Variants in EPM2A observed in about 807,000 individuals in gnomAD.
EPM2A encodes the protein EPM2A glucan phosphatase, laforin.
EPM2A carries 21 observed loss-of-function variants against 26.5 expected under a neutral mutation model. The observed-to-expected ratio is 0.79, with a 90% CI of 0.56 to 1.14. EPM2A has a LOEUF of 1.14. Ranked by LOEUF, EPM2A falls within the 50% of genes most tolerant of loss-of-function variation. The probability of loss-of-function intolerance (pLI) is 0.00; values close to 1 mark genes in which losing one functional copy is unlikely to be tolerated. For synonymous variants in EPM2A, 217 were observed against 177.6 expected (o/e 1.22, Z -1.76); for missense variants, 458 against 440.8 (o/e 1.04, Z -0.35).
chr6:145,406,534 A>G (rs1778572211), intron 4 of EPM2A, among the ~76,000 whole-genome samples: 1 of 152,190 alleles, frequency 6.6e-6, no homozygotes, highest in Admixed American at 6.5e-5. Flanking sequence ...TACATACATT[A>G]TAGTTGCTTT....
chr6:145,629,046 C>T (rs563071046), intron 3 of EPM2A: 1 of 152,430 alleles, frequency 6.6e-6, no homozygotes, highest in Non-Finnish European at 1.5e-5. Context: ...GAGCAGAGTC[C>T]ACATGGAAGC....
At chr6:145,435,180 TAGTC>T (rs1205274995) in intron 4 of EPM2A, among the ~76,000 whole-genome samples, 5 of 152,098 alleles carry the variant, frequency 3.3e-5, no homozygotes, top group African/African-American at 1.2e-4. Context: ...AATTTAGACA[TAGTC>T]AATCATATAT....
At chr6:145,449,831 G>C (rs1341973585) in intron 4 of EPM2A, among the ~76,000 whole-genome samples, 2 of 149,414 alleles carry the variant, frequency 1.3e-5, no homozygotes, top group African/African-American at 4.9e-5. Context: ...GAGAGAAAAA[G>C]CCCTGTTAAT....
At chr6:145,677,541 C>G (rs532704389) in intron 2 of EPM2A, among the ~76,000 whole-genome samples, 241 of 152,296 alleles carry the variant, frequency 1.6e-3, no homozygotes, top group Non-Finnish European at 3.0e-3. Flanking sequence ...ACCCCATCAT[C>G]TCAGCCCAAA....
At chr6:145,717,156 C>G (rs1011472786) in intron 1 of EPM2A, among the ~76,000 whole-genome samples, 14 of 152,050 alleles carry the variant, frequency 9.2e-5, no homozygotes, top group African/African-American at 3.1e-4. Context: ...CGGGCAGAGA[C>G]ACAACCAAAA....
chr6:145,613,262 A>G (rs923066392), intron 2 of EPM2A, among the ~76,000 whole-genome samples: 1 of 152,204 alleles, frequency 6.6e-6, no homozygotes, highest in East Asian at 1.9e-4. Context: ...ATGATATTTC[A>G]GCTATTCAGT....
chr6:145,631,420 T>C (rs1399300403), intron 3 of EPM2A: 1 of 152,122 alleles, frequency 6.6e-6, no homozygotes. Flanking sequence ...GACAACTAAG[T>C]TGAAAAACTG....
chr6:145,699,544 G>T (rs554186406), intron 1 of EPM2A, among the ~76,000 whole-genome samples: 4 of 152,338 alleles, frequency 2.6e-5, no homozygotes, highest in South Asian at 4.1e-4. Flanking sequence ...TGGGTGCTAT[G>T]CTGTGATGAA....
intron 2 of EPM2A, chr6:145,671,479 G>A: frequency 1.5e-6 from 1 of 689,292 alleles, no homozygotes; most frequent in East Asian, 1.3e-4. Flanking sequence ...ATAAGCCTTA[G>A]CTTTTGAAAT....
At chr6:145,613,736 G>A (rs761083090) in intron 2 of EPM2A, among the ~76,000 whole-genome samples, 1 of 152,140 alleles carries the variant, frequency 6.6e-6, no homozygotes, top group Non-Finnish European at 1.5e-5. Context: ...TTTCTGAGCA[G>A]TAGGTCTCAA....
chr6:145,652,421 A>G (rs1203005844), intron 2 of EPM2A, among the ~76,000 whole-genome samples: 2 of 152,184 alleles, frequency 1.3e-5, no homozygotes, highest in Non-Finnish European at 2.9e-5. Context: ...CTTGTGACAC[A>G]TTAGAATTTT....
chr6:145,522,215 G>A (rs1419325213), intron 2 of EPM2A, among the ~76,000 whole-genome samples: 1 of 152,124 alleles, frequency 6.6e-6, no homozygotes, highest in African/African-American at 2.4e-5. Context: ...GCCTCCCAAA[G>A]TGCTGGGATT....
At chr6:145,719,839 G>A (rs994664001) in intron 1 of EPM2A, among the ~76,000 whole-genome samples, 1 of 152,044 alleles carries the variant, frequency 6.6e-6, no homozygotes, top group African/African-American at 2.4e-5. Flanking sequence ...ATCAAATACT[G>A]ACTCTGATTT....
At chr6:145,726,026 T>G (rs1226783438) in intron 1 of EPM2A, among the ~76,000 whole-genome samples, 2 of 152,096 alleles carry the variant, frequency 1.3e-5, no homozygotes, top group East Asian at 1.9e-4. Context: ...TCTAATATCA[T>G]TCTACAATAA....
At chr6:145,620,931 A>G (rs970819009), downstream of EPM2A, among the ~76,000 whole-genome samples, 1 of 152,106 alleles carries the variant, frequency 6.6e-6, no homozygotes, top group African/African-American at 2.4e-5. Flanking sequence ...TATCTCATAT[A>G]CCTCCCTTTT....
At chr6:145,491,557 G>C (rs1779755797) in intron 4 of EPM2A, among the ~76,000 whole-genome samples, 3 of 152,152 alleles carry the variant, frequency 2.0e-5, no homozygotes. Context: ...TGCCAATGGA[G>C]CCTGGGGTTT....
rs1266603162 is a variant in EPM2A, at chr6:145,735,345, G to A, written c.154C>T (p.Leu52=). ...CACAGGCCCGGCTCCTGCAGGGCCA[G>A]GGCCCCGTCGCCCGCCGCGGTGCCG... The part of the protein sequence containing the change: ...PAGTAAGDGA[L]ALQEPGLWLG... The change falls in exon 1 of 4, where the codon CTG becomes TTG. Residue 52 remains leucine (L), a synonymous_variant. Transcript: ENST00000367519. The A allele has an allele frequency of 7.4e-7, 1 of 1,347,940 alleles. No individual in the cohort carries two copies. The highest frequency in any genetic ancestry group is 3.0e-5 in the Admixed American group (1 of 33,062). 83.5% of individuals were successfully genotyped at this position (1,347,940 alleles called of 1,614,324 possible). A position where few individuals can be genotyped will look rare whatever the true frequency, so the allele number is the denominator to read the frequency against.
At chr6:145,728,932 C>T (rs903303210) in intron 1 of EPM2A, among the ~76,000 whole-genome samples, 2 of 152,188 alleles carry the variant, frequency 1.3e-5, no homozygotes, top group Non-Finnish European at 2.9e-5. Context: ...CAGGGCCTCA[C>T]TACCCTGTAC....
chr6:145,651,864 G>T (rs1290580810), intron 2 of EPM2A, among the ~76,000 whole-genome samples: 1 of 152,076 alleles, frequency 6.6e-6, no homozygotes, highest in Non-Finnish European at 1.5e-5. Context: ...TCAAAGGGAG[G>T]TCTGCAGAAG....
Sources: allele counts gnomAD v4.1 joint callset (sites outside exome capture counted in the v4.1 genomes callset), GRCh38; gene constraint gnomAD v4.1.1; transcripts MANE v1.5; gene names NCBI Gene and HGNC (gene_info 2026-07-23, HGNC 2026-07-21).